Variants in KCNIP4 observed in about 807,000 individuals in gnomAD.
KCNIP4 encodes Kv channel-interacting protein 4.
A neutral mutation model predicts 34.0 loss-of-function variants in KCNIP4; 12 were observed. The observed-to-expected ratio is 0.35, with a 90% CI of 0.23 to 0.57. The LOEUF is 0.57. Among genes scored for constraint, KCNIP4 ranks in the 20% least tolerant of loss-of-function variants. KCNIP4 has a pLI of 0.83. For missense variants in KCNIP4, 238 were observed against 311.7 expected (o/e 0.76, Z 1.78); for synonymous variants, 124 against 102.2 (o/e 1.21, Z -1.29).
intron 1 of KCNIP4, among the ~76,000 whole-genome samples, chr4:21,660,424 T>C (rs761779333): frequency 1.3e-5 from 2 of 152,176 alleles, no homozygotes; most frequent in Non-Finnish European, 2.9e-5. Flanking sequence ...TTTAGGGACA[T>C]TTCACATCAA....
At chr4:20,839,613 T>C (rs930464954) in intron 3 of KCNIP4, among the ~76,000 whole-genome samples, 2 of 151,796 alleles carry the variant, frequency 1.3e-5, no homozygotes, top group Non-Finnish European at 2.9e-5. Flanking sequence ...ACTTCTAGAT[T>C]ATACAACACA....
intron 1 of KCNIP4, among the ~76,000 whole-genome samples, chr4:21,017,168 C>T (rs1309476662): frequency 1.3e-5 from 2 of 152,174 alleles, no homozygotes. Context: ...CAAAGCAATA[C>T]TGTCAATAAA....
intron 1 of KCNIP4, chr4:21,763,027 C>T: frequency 7.8e-7 from 1 of 1,288,844 alleles, no homozygotes; most frequent in Non-Finnish European, 1.0e-6. Context: ...TGCTCAATAA[C>T]CGCTTCTAGA....
Position 21,867,852 on chromosome 4 carries a change from A to C in KCNIP4, c.61+80719T>G, listed in dbSNP as rs996300050. Among the ~76,000 whole-genome samples, 7 of 152,350 alleles carry C rather than the reference A, an allele frequency of 4.6e-5. No homozygotes were observed. The South Asian group carries it at 1.5e-3, about 32-fold the overall frequency. On this transcript the variant is annotated intron_variant, in intron 1 of 8. Transcript: ENST00000382152. ...TTCATCACAGTGAGCCAATAAAACA[A>C]AAGCATTTGTACCTTCTAATTTACA...
chr4:20,996,993 A>G (rs1737610018), intron 1 of KCNIP4, among the ~76,000 whole-genome samples: 1 of 152,202 alleles, frequency 6.6e-6, no homozygotes, highest in Admixed American at 6.5e-5. Context: ...GCATCAGCAA[A>G]ATCATAATCA....
Position 21,584,071 on chromosome 4 carries a change from C to T in KCNIP4, c.61+364500G>A, listed in dbSNP as rs138100161. Among the ~76,000 whole-genome samples, 45 of 152,128 alleles carry T rather than the reference C, an allele frequency of 3.0e-4. No individual in the cohort carries two copies. The East Asian group carries it at 7.5e-3, about 25-fold the overall frequency. ...TACAAGTAAACAAGGATTTACTGCT[C>T]AGCAATCTGCATAGCCCATGGTTAG... On this transcript the variant is annotated intron_variant, in intron 1 of 8. Transcript: ENST00000382152.
chr4:20,851,699 C>G (rs1721040174), intron 2 of KCNIP4, among the ~76,000 whole-genome samples: 1 of 152,072 alleles, frequency 6.6e-6, no homozygotes, highest in Non-Finnish European at 1.5e-5. Context: ...GCATCTCTAG[C>G]ATTTTTAAGG....
At chr4:21,854,542 A>G (rs1385128313) in intron 1 of KCNIP4, among the ~76,000 whole-genome samples, 2 of 152,288 alleles carry the variant, frequency 1.3e-5, no homozygotes, top group Non-Finnish European at 2.9e-5. Context: ...GTGAAGAATG[A>G]CAAAGGCATT....
chr4:20,823,614 G>A (rs1717373572), intron 3 of KCNIP4, among the ~76,000 whole-genome samples: 3 of 152,148 alleles, frequency 2.0e-5, no homozygotes, highest in African/African-American at 7.2e-5. Context: ...ACAAGGAGAA[G>A]CAAACAATCT....
intron 1 of KCNIP4, among the ~76,000 whole-genome samples, chr4:21,694,937 T>A (rs58609081): frequency 0.045 from 2,863 of 63,164 alleles, 200 homozygotes; most frequent in African/African-American, 0.19. Flanking sequence ...AAAATAAAAA[T>A]AAATAAATAA....
At chr4:21,472,068 T>C (rs1730512906) in intron 1 of KCNIP4, among the ~76,000 whole-genome samples, 1 of 152,022 alleles carries the variant, frequency 6.6e-6, no homozygotes, top group African/African-American at 2.4e-5. Context: ...GTGGCAGAGG[T>C]GCCTTGAAGT....
At chr4:21,279,131 C>T (rs111601878) in intron 1 of KCNIP4, among the ~76,000 whole-genome samples, 3,318 of 152,182 alleles carry the variant, frequency 0.022, 48 homozygotes, top group Admixed American at 0.046. Context: ...TTGGTGGAAA[C>T]GTAATATGGC....
At chr4:20,767,822 A>T (rs947672471) in intron 3 of KCNIP4, among the ~76,000 whole-genome samples, 2 of 152,172 alleles carry the variant, frequency 1.3e-5, no homozygotes, top group African/African-American at 2.4e-5. Flanking sequence ...AAGACATTTC[A>T]TAGGAAAAAA....
At chr4:21,603,136 A>G (rs1026276098) in intron 1 of KCNIP4, among the ~76,000 whole-genome samples, 4 of 152,154 alleles carry the variant, frequency 2.6e-5, no homozygotes, top group Non-Finnish European at 4.4e-5. Context: ...AACATCTTTT[A>G]TCACTCCTTC....
chr4:21,336,871 T>C (rs73802577), intron 1 of KCNIP4, among the ~76,000 whole-genome samples: 2,872 of 152,166 alleles, frequency 0.019, 87 homozygotes, highest in African/African-American at 0.065. Flanking sequence ...AAAACACACA[T>C]ACGCAACTTT....
At chr4:21,479,575 T>C (rs769294254) in intron 1 of KCNIP4, among the ~76,000 whole-genome samples, 1 of 152,076 alleles carries the variant, frequency 6.6e-6, no homozygotes. Flanking sequence ...AGCTTGCTCT[T>C]TACAACATGC....
chr4:20,817,095 T>A (rs1452478734), intron 3 of KCNIP4, among the ~76,000 whole-genome samples: 2 of 152,054 alleles, frequency 1.3e-5, no homozygotes. Context: ...GCTGAGAAAA[T>A]AATGTCACAA....
intron 3 of KCNIP4, among the ~76,000 whole-genome samples, chr4:20,826,296 C>T (rs1034193359): frequency 3.3e-5 from 5 of 152,090 alleles, no homozygotes; most frequent in African/African-American, 4.8e-5. Context: ...ATAGAGACTC[C>T]GGCCATTGTG....
At chr4:20,755,809 A>T (rs2149353155) in intron 4 of KCNIP4, among the ~76,000 whole-genome samples, 1 of 152,276 alleles carries the variant, frequency 6.6e-6, no homozygotes, top group East Asian at 1.9e-4. Context: ...CAGAGGGAAC[A>T]GCAGGTTCAA....
Sources: allele counts gnomAD v4.1 joint callset (sites outside exome capture counted in the v4.1 genomes callset), GRCh38; gene constraint gnomAD v4.1.1; transcripts MANE v1.5; gene names NCBI Gene and HGNC (gene_info 2026-07-23, HGNC 2026-07-21).